SLC35F4: variants seen among roughly 807,000 people sequenced by gnomAD.
The protein encoded by SLC35F4 is solute carrier family 35 member F4, also known as chromosome 14 open reading frame 36.
In SLC35F4, 24 loss-of-function variants were observed where a neutral mutation model predicts 44.2. That is an observed-to-expected ratio of 0.54 (90% confidence interval 0.39 to 0.76). The LOEUF (loss-of-function observed/expected upper bound fraction) is 0.76, where lower values mean the gene tolerates loss of function less well. Ranked by LOEUF, SLC35F4 falls within the 30% of genes least tolerant of loss-of-function variation. The pLI is 0.00. For missense variants in SLC35F4, 562 were observed against 586.1 expected, an observed-to-expected ratio of 0.96 and a Z score of 0.42; for synonymous variants, 238 against 223.6, an observed-to-expected ratio of 1.06 and a Z score of -0.57.
chr14:57,732,015 C>A (rs902890951), intron 1 of SLC35F4, among the ~76,000 whole-genome samples: 5 of 152,056 alleles, frequency 3.3e-5, no homozygotes, highest in African/African-American at 7.2e-5. Flanking sequence ...TAGGAGGAAG[C>A]AATACACATA....
intron 1 of SLC35F4, among the ~76,000 whole-genome samples, chr14:57,744,180 C>T (rs1330006948): frequency 6.6e-6 from 1 of 152,094 alleles, no homozygotes; most frequent in Non-Finnish European, 1.5e-5. Context: ...ACAGGGATGC[C>T]CTCTCTCACA....
Position 57,733,489 on chromosome 14 carries a change from CT to C in SLC35F4, c.103+132233del, listed in dbSNP as rs909501272. ...TAAATTTAGATATAGCCAGAAAAAG[CT>C]TTTTTTTTCAGCTTAGAAGACACAG... On this transcript the variant is annotated intron_variant, in intron 1 of 7. Coordinates refer to ENST00000556826, the MANE Select transcript of SLC35F4 (RefSeq NM_001306087.2). Among the ~76,000 whole-genome samples the C allele has an allele frequency of 2.0e-4, 29 of 146,236 alleles. No homozygotes were observed. The East Asian group carries it at 2.6e-3, about 13-fold the overall frequency.
intron 1 of SLC35F4, among the ~76,000 whole-genome samples, chr14:57,937,584 A>C (rs1889824724): frequency 8.5e-6 from 1 of 116,960 alleles, no homozygotes; most frequent in Non-Finnish European, 1.9e-5. Context: ...GAGAAAAGAA[A>C]AGAAAGAAAA....
At chr14:57,908,330 A>G (rs1305708412) in intron 1 of SLC35F4, among the ~76,000 whole-genome samples, 1 of 152,186 alleles carries the variant, frequency 6.6e-6, no homozygotes, top group Non-Finnish European at 1.5e-5. Context: ...GCTGAGTTAA[A>G]TGATATTTCT....
At chr14:57,918,387 C>T (rs1329866800) in intron 1 of SLC35F4, among the ~76,000 whole-genome samples, 1 of 152,206 alleles carries the variant, frequency 6.6e-6, no homozygotes, top group Non-Finnish European at 1.5e-5. Flanking sequence ...CTCTCTGTAT[C>T]TGCCTATCTT....
intron 1 of SLC35F4, among the ~76,000 whole-genome samples, chr14:57,937,640 G>GA (rs776574058): frequency 9.5e-6 from 1 of 105,048 alleles, no homozygotes; most frequent in Non-Finnish European, 1.9e-5. Context: ...GAAAAGAAAA[G>GA]AAAAGAAAAG....
At chr14:57,644,887 C>A (rs1056636685) in intron 1 of SLC35F4, among the ~76,000 whole-genome samples, 1 of 152,124 alleles carries the variant, frequency 6.6e-6, no homozygotes, top group Non-Finnish European at 1.5e-5. Flanking sequence ...AATCCTTTCC[C>A]CATTGCTTGT....
chr14:57,844,811 TC>T (rs1885850262), intron 1 of SLC35F4, among the ~76,000 whole-genome samples: 1 of 152,142 alleles, frequency 6.6e-6, no homozygotes, highest in African/African-American at 2.4e-5. Flanking sequence ...TCCTGACTCT[TC>T]ACTGCCCTCC....
chr14:57,803,006 A>AAAAAAAAAAAAAAAAAAAAAAAAAAAAG (rs74994950), intron 1 of SLC35F4, among the ~76,000 whole-genome samples: 1 of 136,252 alleles, frequency 7.3e-6, no homozygotes, highest in African/African-American at 3.1e-5. Context: ...AAAAAAAAAA[A>AAAAAAAAAAAAAAAAAAAAAAAAAAAAG]GAAATTGCAG....
At chr14:57,628,763 T>TC (rs1341546971) in intron 1 of SLC35F4, among the ~76,000 whole-genome samples, 1 of 152,152 alleles carries the variant, frequency 6.6e-6, no homozygotes, top group Non-Finnish European at 1.5e-5. Flanking sequence ...GAGTTTGGGC[T>TC]CCAGATAAAC....
chr14:57,634,979 G>A (rs1430091990), intron 1 of SLC35F4, among the ~76,000 whole-genome samples: 1 of 152,068 alleles, frequency 6.6e-6, no homozygotes, highest in East Asian at 1.9e-4. Flanking sequence ...AAACCCCCTT[G>A]GCCGGTTGCG....
chr14:57,745,072 A>G (rs558502400), intron 1 of SLC35F4, among the ~76,000 whole-genome samples: 30 of 152,248 alleles, frequency 2.0e-4, no homozygotes, highest in Non-Finnish European at 3.4e-4. Context: ...CACCTTATAC[A>G]AAAATTAATT....
At chr14:57,981,354 G>C (rs1881376777) in intron 1 of SLC35F4, among the ~76,000 whole-genome samples, 1 of 152,122 alleles carries the variant, frequency 6.6e-6, no homozygotes, top group South Asian at 2.1e-4. Flanking sequence ...CTGCAGCGTG[G>C]GAAATGGGTG....
chr14:57,928,916 G>T (rs749247495), intron 1 of SLC35F4, among the ~76,000 whole-genome samples: 1 of 152,204 alleles, frequency 6.6e-6, no homozygotes, highest in Non-Finnish European at 1.5e-5. Context: ...AAGCTCCGTG[G>T]ATGGTTTCAA....
In SLC35F4 at chr14:57,735,567, C is replaced by T. The variant is rs548994546; in HGVS notation, c.103+130156G>A. Among the ~76,000 whole-genome samples, 3 of 152,264 alleles carry T rather than the reference C, an allele frequency of 2.0e-5. No homozygotes were observed. The South Asian group carries it at 6.2e-4, about 32-fold the overall frequency. On this transcript the variant is annotated intron_variant, in intron 1 of 7. Coordinates refer to ENST00000556826, the MANE Select transcript of SLC35F4 (RefSeq NM_001306087.2). ...GCCTCCAGCATGCTAGACTAGCTTT[C>T]CCACATGACTGTCTCAGGGCAATGC...
intron 1 of SLC35F4, among the ~76,000 whole-genome samples, chr14:57,611,707 T>C (rs2071519979): frequency 6.6e-6 from 1 of 152,080 alleles, no homozygotes; most frequent in African/African-American, 2.4e-5. Flanking sequence ...TCCCAGGTGA[T>C]TAATGAAAGT....
intron 1 of SLC35F4, among the ~76,000 whole-genome samples, chr14:57,594,823 A>G (rs184845796): frequency 2.0e-5 from 3 of 152,296 alleles, no homozygotes; most frequent in Non-Finnish European, 4.4e-5. Context: ...ACTAGCCTCT[A>G]TCCGGTGTTA....
chr14:57,889,756 G>T (rs540129398), intron 1 of SLC35F4, among the ~76,000 whole-genome samples: 1 of 152,278 alleles, frequency 6.6e-6, no homozygotes, highest in East Asian at 1.9e-4. Flanking sequence ...TTATTAAAAT[G>T]AATGCCTTTG....
chr14:57,787,391 C>T (rs1212831310), intron 1 of SLC35F4, among the ~76,000 whole-genome samples: 1 of 152,040 alleles, frequency 6.6e-6, no homozygotes, highest in African/African-American at 2.4e-5. Flanking sequence ...CCTAGTCATC[C>T]AAACACAAGA....
Sources: gnomAD v4.1 joint callset for allele counts (sites outside exome capture counted in the v4.1 genomes callset) on GRCh38, gnomAD v4.1.1 for gene constraint, MANE v1.5 for transcripts, NCBI Gene and HGNC (gene_info 2026-07-23, HGNC 2026-07-21) for gene names.